The following GATB variants were observed in gnomAD, a reference collection of about 807,000 sequenced individuals.
GATB encodes the protein glutamyl-tRNA amidotransferase subunit B, also known as glutamyl-tRNA(Gln) amidotransferase subunit B, mitochondrial.
Under a neutral mutation model 62.3 loss-of-function variants are expected in GATB, and 39 were observed. The ratio of observed to expected loss-of-function variants is 0.63; its 90% confidence interval spans 0.48 to 0.82. The LOEUF (loss-of-function observed/expected upper bound fraction) is 0.82, where lower values mean the gene tolerates loss of function less well. Among genes scored for constraint, GATB ranks in the 40% least tolerant of loss-of-function variants. The probability of loss-of-function intolerance (pLI) is 0.00; values close to 1 mark genes in which losing one functional copy is unlikely to be tolerated. For synonymous variants in GATB, 276 were observed against 258.9 expected (o/e 1.07, Z -0.63); for missense variants, 670 against 684.0 (o/e 0.98, Z 0.23).
intron 2 of GATB, among the ~76,000 whole-genome samples, chr4:151,756,245 G>A (rs974016596): frequency 2.0e-5 from 3 of 152,104 alleles, no homozygotes; most frequent in Non-Finnish European, 4.4e-5. Flanking sequence ...TAAAATCCTC[G>A]GAAGCACAAA....
chr4:151,682,851 C>T (rs1321400615), intron 10 of GATB, among the ~76,000 whole-genome samples: 1 of 152,178 alleles, frequency 6.6e-6, no homozygotes, highest in African/African-American at 2.4e-5. Flanking sequence ...CTGTGTTCAT[C>T]TCACGGATTT....
chr4:151,672,904 C>T lies in GATB; in HGVS notation c.1411-8G>A. 1 of 1,613,858 alleles carries T rather than the reference C, an allele frequency of 6.2e-7. No homozygotes were observed. ...CCACAGTTCCTCAAACACCTATGGA[C>T]CAGAGAAGGGAGAGGAAAGAGAAAT... On this transcript the variant is annotated splice_polypyrimidine_tract_variant and splice_region_variant and intron_variant, in intron 11 of 12. Transcript: ENST00000263985.
rs372046682 is a variant in GATB at position 151,760,989 on chromosome 4, T to C, written c.-7A>G. The C allele has an allele frequency of 1.9e-6, 3 of 1,608,404 alleles. No homozygotes were observed. Among genetic ancestry groups the C allele is most frequent in the Admixed American group, 1.7e-5 (1 of 59,240 alleles). ...GCAGCATGGGCGCCGCCATTGTAAC[T>C]CCAGGGTCTTGGTCAGGTGACTCAG... On this transcript the variant is annotated 5_prime_UTR_variant, in exon 1 of 13. Transcript: ENST00000263985.
rs1353962386 is a variant in GATB at position 151,719,333 on chromosome 4, G to A, written c.441+92C>T. 1.5e-5 allele frequency: 13 copies of A among 869,770 alleles called. No individual in the cohort carries two copies. The South Asian group carries it at 1.8e-4, about 12-fold the overall frequency. The allele number at this position is 869,770 out of a possible 1,614,324, so 53.9% of individuals were successfully genotyped here. A position where few individuals can be genotyped will look rare whatever the true frequency, so the allele number is the denominator to read the frequency against. ...CACAGTGCTGGCTGAAAACATGAGAGGCACAGCCCCTTTCCCTTGCTCCGA... is the reference window on the plus strand; with the variant it reads ...CACAGTGCTGGCTGAAAACATGAGAAGCACAGCCCCTTTCCCTTGCTCCGA... On this transcript the variant is annotated intron_variant, in intron 3 of 12. Transcript: ENST00000263985.
intron 2 of GATB, chr4:151,722,026 G>A: frequency 1.7e-6 from 1 of 591,372 alleles, no homozygotes; most frequent in Non-Finnish European, 3.0e-6. Flanking sequence ...AGAATTATAA[G>A]CATCAGTCAT....
At chr4:151,698,987 T>G (rs192561014) in intron 9 of GATB, among the ~76,000 whole-genome samples, 93 of 150,756 alleles carry the variant, frequency 6.2e-4, no homozygotes, top group South Asian at 2.7e-3. Flanking sequence ...TGTAGTGGGG[T>G]GTGTGTGTGT....
chr4:151,750,131 T>C (rs957594043), intron 2 of GATB, among the ~76,000 whole-genome samples: 2 of 152,198 alleles, frequency 1.3e-5, no homozygotes, highest in African/African-American at 4.8e-5. Context: ...TCCGCCCACC[T>C]CGGTCTCCCA....
chr4:151,695,125 A>G (rs1738442543), intron 9 of GATB, among the ~76,000 whole-genome samples: 1 of 152,156 alleles, frequency 6.6e-6, no homozygotes, highest in African/African-American at 2.4e-5. Flanking sequence ...CACTGGGGCC[A>G]TGTGGGATGT....
chr4:151,671,295 T>G lies in GATB; in HGVS notation c.1553A>C (p.Asp518Ala), dbSNP rs1368148512. Residue 518 changes from aspartate to alanine, a missense_variant, in exon 13 of 13, where the codon GAT becomes GCT. Transcript: ENST00000263985. ...VMEAHPQVVM[D>A]VKNRNPRAIN... The stretch of plus-strand genomic sequence containing the variant: ...AGCTCTGGGGTTTCTGTTCTTCACA[T>G]CCATTACCTAGAAGGACAGAAATTA... 3 of 1,601,644 alleles carry G rather than the reference T, an allele frequency of 1.9e-6. No homozygotes were observed. In the South Asian group the frequency reaches 3.3e-5, roughly 18 times the overall value.
chr4:151,681,576 A>C (rs986202929), intron 10 of GATB, among the ~76,000 whole-genome samples: 3 of 152,190 alleles, frequency 2.0e-5, no homozygotes, highest in Non-Finnish European at 4.4e-5. Context: ...TGTGTGCAGA[A>C]CCCATAAGAA....
In GATB at chr4:151,726,706, A is replaced by G. The variant is rs148747386; in HGVS notation, c.328-7168T>C. On this transcript the variant is annotated intron_variant, in intron 2 of 12. Coordinates refer to ENST00000263985, the MANE Select transcript of GATB (RefSeq NM_004564.3). The stretch of plus-strand genomic sequence containing the variant: ...TATCCTCAGTTCCCAGTTTTCTCCT[A>G]TTCTGAGCTCTCTTATACTAATTCC... Among the ~76,000 whole-genome samples, 73 of 152,284 alleles carry G rather than the reference A, an allele frequency of 4.8e-4. 1 individual carries two copies. Among genetic ancestry groups the G allele is most frequent in the African/African-American group, 1.7e-3 (71 of 41,580 alleles).
At chr4:151,725,971 A>G (rs986668277) in intron 2 of GATB, among the ~76,000 whole-genome samples, 2 of 152,222 alleles carry the variant, frequency 1.3e-5, no homozygotes, top group African/African-American at 4.8e-5. Flanking sequence ...TGACATGGCA[A>G]GACTAGAGTC....
intron 2 of GATB, among the ~76,000 whole-genome samples, chr4:151,741,804 G>A (rs1182749882): frequency 1.3e-5 from 2 of 152,312 alleles, no homozygotes; most frequent in South Asian, 2.1e-4. Context: ...TGTTCTTTAG[G>A]AGGAGTGAGA....
chr4:151,719,715 G>A, intron 2 of GATB, 177 bp from the exon 3 acceptor site: 2 of 484,506 alleles, frequency 4.1e-6, no homozygotes, highest in South Asian at 2.8e-5. Context: ...AATCAGGGAA[G>A]GATATAAAGA....
chr4:151,691,081 C>T (rs1738356340), intron 9 of GATB, among the ~76,000 whole-genome samples: 1 of 152,196 alleles, frequency 6.6e-6, no homozygotes, highest in South Asian at 2.1e-4. Flanking sequence ...CTCAGAGTCT[C>T]TGGTGAACAT....
chr4:151,740,711 T>C (rs1401720627), intron 2 of GATB, among the ~76,000 whole-genome samples: 2 of 152,216 alleles, frequency 1.3e-5, no homozygotes, highest in African/African-American at 4.8e-5. Flanking sequence ...CAGGCATGTA[T>C]TGCCTTTGCA....
intron 2 of GATB, among the ~76,000 whole-genome samples, chr4:151,726,562 G>T (rs1310162034): frequency 6.6e-6 from 1 of 152,196 alleles, no homozygotes; most frequent in Admixed American, 6.5e-5. Flanking sequence ...GAATGTGAAG[G>T]CTACATTTCC....
At chr4:151,731,695 G>A (rs539069389) in intron 2 of GATB, among the ~76,000 whole-genome samples, 30 of 149,134 alleles carry the variant, frequency 2.0e-4, no homozygotes, top group East Asian at 6.1e-4. Context: ...GCCGCCCATC[G>A]TCTGAGATGT....
At chr4:151,708,193 C>A in intron 5 of GATB, 92 bp from the exon 6 acceptor site, 1 of 802,514 alleles carries the variant, frequency 1.2e-6, no homozygotes, top group South Asian at 1.6e-5. Flanking sequence ...CAGCATCTAA[C>A]TCTACCTGCT....
Sources: gnomAD v4.1 joint callset for allele counts (sites outside exome capture counted in the v4.1 genomes callset) on GRCh38, gnomAD v4.1.1 for gene constraint, MANE v1.5 for transcripts, NCBI Gene and HGNC (gene_info 2026-07-23, HGNC 2026-07-21) for gene names.